Variants in LCP1 observed in about 807,000 individuals in gnomAD.
The protein encoded by LCP1 is lymphocyte cytosolic protein 1.
In LCP1, 23 loss-of-function variants were observed where a neutral mutation model predicts 72.0. That is an observed-to-expected ratio of 0.32 (90% CI 0.23 to 0.45). The LOEUF (loss-of-function observed/expected upper bound fraction) is 0.45, where lower values mean the gene tolerates loss of function less well. LCP1 is among the 20% of genes least tolerant of loss of function. The pLI is 1.00. For missense variants in LCP1, 571 were observed against 748.3 expected (o/e 0.76, Z 2.76); for synonymous variants, 245 against 275.4 (o/e 0.89, Z 1.09).
Position 46,127,213 on chromosome 13 carries a change from G to C in LCP1, c.*378C>G. ...TGTTTCCCCTCCTGGCCCTCATCTT[G>C]AACAAAGAAAAGGGAAGCCACATGA... On this transcript the variant is annotated 3_prime_UTR_variant, in exon 16 of 16. Transcript: ENST00000323076. 4.1e-6 allele frequency: 1 copy of C among 246,770 alleles called. No individual in the cohort carries two copies. Among genetic ancestry groups the C allele is most frequent in the Non-Finnish European group, 7.9e-6 (1 of 126,550 alleles). 15.3% of individuals were successfully genotyped at this position (246,770 alleles called of 1,614,324 possible).
chr13:46,163,397 C>G (rs1051739534), intron 1 of LCP1, among the ~76,000 whole-genome samples: 1 of 152,228 alleles, frequency 6.6e-6, no homozygotes, highest in Admixed American at 6.5e-5. Flanking sequence ...GGATTAAGGG[C>G]GGTGCCAGAT....
chr13:46,162,858 C>T (rs1387904762), intron 1 of LCP1, among the ~76,000 whole-genome samples: 8 of 147,290 alleles, frequency 5.4e-5, no homozygotes, highest in East Asian at 4.2e-4. Flanking sequence ...AGGTGAGGAG[C>T]GTCTCTGCAC....
At chr13:46,176,547 T>C (rs2045931527) in intron 1 of LCP1, among the ~76,000 whole-genome samples, 1 of 152,222 alleles carries the variant, frequency 6.6e-6, no homozygotes, top group Non-Finnish European at 1.5e-5. Context: ...ATAACATTTG[T>C]GTATCCTTTT....
At chr13:46,151,675 T>C (rs2045765050) in intron 7 of LCP1, among the ~76,000 whole-genome samples, 1 of 152,188 alleles carries the variant, frequency 6.6e-6, no homozygotes, top group Non-Finnish European at 1.5e-5. Context: ...CCCTATTTCC[T>C]CTCCCCCGCC....
intron 13 of LCP1, among the ~76,000 whole-genome samples, chr13:46,138,639 C>CTT (rs2045679378): frequency 1.3e-5 from 2 of 151,930 alleles, no homozygotes; most frequent in African/African-American, 4.8e-5. Flanking sequence ...TGGGGTTGAC[C>CTT]TGAGTTTGTT....
At chr13:46,172,651 C>A (rs1052982078) in intron 1 of LCP1, among the ~76,000 whole-genome samples, 2 of 152,130 alleles carry the variant, frequency 1.3e-5, no homozygotes, top group Non-Finnish European at 2.9e-5. Context: ...GCGTGCTGCT[C>A]GTTCTCACTA....
intron 1 of LCP1, among the ~76,000 whole-genome samples, chr13:46,180,448 T>C (rs182080373): frequency 4.4e-4 from 67 of 152,272 alleles, no homozygotes; most frequent in African/African-American, 1.5e-3. Flanking sequence ...TGAAATTGTT[T>C]CCCAAATTAC....
intron 13 of LCP1, among the ~76,000 whole-genome samples, chr13:46,135,253 A>G (rs1455218705): frequency 2.0e-5 from 3 of 152,142 alleles, no homozygotes; most frequent in African/African-American, 7.2e-5. Flanking sequence ...TGTGGACTTC[A>G]TGGTTCAGGT....
intron 14 of LCP1, 33 bp from the exon 15 acceptor site, chr13:46,130,971 G>T: frequency 6.5e-7 from 1 of 1,547,332 alleles, no homozygotes; most frequent in African/African-American, 1.4e-5. Flanking sequence ...TTTCATCAAC[G>T]TGTCCCAAAG....
chr13:46,130,298 G>A (rs2045625974), intron 15 of LCP1, among the ~76,000 whole-genome samples: 1 of 152,230 alleles, frequency 6.6e-6, no homozygotes. Flanking sequence ...AGATGCAAAT[G>A]AATAGGCTCT....
chr13:46,145,659 C>A (rs1260068920), intron 10 of LCP1, among the ~76,000 whole-genome samples: 1 of 77,708 alleles, frequency 1.3e-5, no homozygotes, highest in African/African-American at 7.0e-5. Context: ...CCTGTAATCC[C>A]AGCACTTTGG....
chr13:46,168,867 C>G lies in LCP1; in HGVS notation c.-24-9181G>C, dbSNP rs115053939. Among the ~76,000 whole-genome samples, 431 of 152,322 alleles carry G rather than the reference C, an allele frequency of 2.8e-3. 1 individual carries two copies. Among genetic ancestry groups the G allele is most frequent in the African/African-American group, 1.0e-2 (414 of 41,558 alleles). ...CAATTCATAAAGATTCCATCACATG[C>G]CTTGGTCTCTTTATATTCTTGTAAC... On this transcript the variant is annotated intron_variant, in intron 1 of 15. Coordinates refer to ENST00000323076, the MANE Select transcript of LCP1 (RefSeq NM_002298.5).
intron 4 of LCP1, among the ~76,000 whole-genome samples, chr13:46,156,904 C>T (rs2045805218): frequency 6.6e-6 from 1 of 151,174 alleles, no homozygotes; most frequent in South Asian, 2.1e-4. Context: ...TCACTGCAAG[C>T]TCTGCCTCCT....
chr13:46,171,527 T>TC (rs947315158), intron 1 of LCP1, among the ~76,000 whole-genome samples: 2 of 152,102 alleles, frequency 1.3e-5, no homozygotes, highest in Non-Finnish European at 2.9e-5. Context: ...TCTGCCTGTG[T>TC]CCCCCCTGCC....
At chr13:46,176,126 G>A (rs1157121859) in intron 1 of LCP1, among the ~76,000 whole-genome samples, 1 of 152,162 alleles carries the variant, frequency 6.6e-6, no homozygotes, top group African/African-American at 2.4e-5. Context: ...GGAGGAATAA[G>A]CTCTCATGTT....
At chr13:46,142,223 A>C in intron 13 of LCP1, 69 bp downstream of exon 13, 1 of 1,519,576 alleles carries the variant, frequency 6.6e-7, no homozygotes, top group Non-Finnish European at 9.1e-7. Flanking sequence ...CATACTGCTA[A>C]AAATTTGCTA....
Position 46,156,426 on chromosome 13 carries a change from A to C in LCP1, c.491+12T>G, listed in dbSNP as rs768148564. 6.2e-7 allele frequency: 1 copy of C among 1,608,910 alleles called. No individual in the cohort carries two copies. Among genetic ancestry groups the C allele is most frequent in the East Asian group, 2.2e-5 (1 of 44,776 alleles). ...GCAATTCTTTGGAAACCAAGAAAGA[A>C]GTATTATTTACCAAAGGACAATGCC... On this transcript the variant is annotated intron_variant, in intron 5 of 15. Coordinates refer to ENST00000323076, the MANE Select transcript of LCP1 (RefSeq NM_002298.5).
chr13:46,147,515 C>A (rs967052972), intron 9 of LCP1, among the ~76,000 whole-genome samples: 1 of 152,162 alleles, frequency 6.6e-6, no homozygotes, highest in Non-Finnish European at 1.5e-5. Flanking sequence ...ATTCCCATAA[C>A]CAGTTCACAA....
At chr13:46,130,045 T>C (rs1346133604) in intron 15 of LCP1, among the ~76,000 whole-genome samples, 1 of 152,222 alleles carries the variant, frequency 6.6e-6, no homozygotes, top group Non-Finnish European at 1.5e-5. Context: ...AAACCAATCC[T>C]GCCAACATCT....
Sources: allele counts gnomAD v4.1 joint callset (sites outside exome capture counted in the v4.1 genomes callset), GRCh38; gene constraint gnomAD v4.1.1; transcripts MANE v1.5; gene names NCBI Gene and HGNC (gene_info 2026-07-23, HGNC 2026-07-21).